SLC38A6: variants seen among roughly 807,000 people sequenced by gnomAD.
SLC38A6 encodes the protein N system amino acid transporter NAT-1.
In SLC38A6, 73 loss-of-function variants were observed where a neutral mutation model predicts 65.0. The observed-to-expected ratio is 1.12, with a 90% CI of 0.93 to 1.37. SLC38A6 has a LOEUF of 1.37. SLC38A6 is among the 40% of genes most tolerant of loss of function. The pLI is 0.00. For synonymous variants in SLC38A6, 183 were observed against 178.8 expected (o/e 1.02, Z -0.19); for missense variants, 561 against 531.1 (o/e 1.06, Z -0.55).
intron 3 of SLC38A6, among the ~76,000 whole-genome samples, chr14:60,994,163 C>G (rs1280319130): frequency 6.6e-6 from 1 of 152,176 alleles, no homozygotes; most frequent in Non-Finnish European, 1.5e-5. Flanking sequence ...TTATATTTAC[C>G]AAAATCTGGA....
At chr14:61,040,213 C>A (rs897912712) in intron 8 of SLC38A6, among the ~76,000 whole-genome samples, 1 of 151,920 alleles carries the variant, frequency 6.6e-6, no homozygotes, top group African/African-American at 2.4e-5. Context: ...CTCCAGTCAC[C>A]CAGACTGGAG....
intron 8 of SLC38A6, among the ~76,000 whole-genome samples, chr14:61,040,406 C>A (rs1391158450): frequency 1.3e-5 from 2 of 149,734 alleles, no homozygotes; most frequent in Non-Finnish European, 3.0e-5. Context: ...GTGGCGCCAT[C>A]TCGGCTCACT....
intron 9 of SLC38A6, 84 bp from the exon 10 acceptor site, chr14:61,043,366 A>G: frequency 8.3e-7 from 1 of 1,200,682 alleles, no homozygotes; most frequent in Non-Finnish European, 1.2e-6. Flanking sequence ...AAGCCTAGTA[A>G]TAATAAATTC....
At chr14:61,020,330 T>G (rs7148163) in intron 5 of SLC38A6, among the ~76,000 whole-genome samples, 141,777 of 152,166 alleles carry the variant, frequency 0.93, 66,434 homozygotes, top group Non-Finnish European at 0.99. Flanking sequence ...CACAGAAAAG[T>G]TTGACATGTA....
chr14:61,046,060 C>T lies in SLC38A6; in HGVS notation c.825-7C>T. On this transcript the variant is annotated splice_region_variant and splice_polypyrimidine_tract_variant and intron_variant, in intron 11 of 15. Transcript: ENST00000267488. The stretch of plus-strand genomic sequence containing the variant: ...CTTATTCTACCTTTGTCATTTTTGT[C>T]TTTTAGTCCTTCAAAGAAAAGAATG... 6.4e-7 allele frequency: 1 copy of T among 1,570,974 alleles called. No individual in the cohort carries two copies. The highest frequency in any genetic ancestry group is 1.1e-5 in the South Asian group (1 of 87,930).
chr14:61,011,810 C>G (rs907571942), intron 3 of SLC38A6, among the ~76,000 whole-genome samples: 3 of 152,074 alleles, frequency 2.0e-5, no homozygotes, highest in African/African-American at 7.2e-5. Flanking sequence ...ATTTTTGCAT[C>G]GATGTTCATC....
chr14:61,030,384 T>A, intron 5 of SLC38A6, 61 bp from the exon 6 acceptor site: 1 of 1,284,018 alleles, frequency 7.8e-7, no homozygotes, highest in Non-Finnish European at 1.1e-6. Context: ...CTAGATGGAT[T>A]ATTGTTTAAA....
chr14:61,026,631 A>G (rs1037175773), intron 5 of SLC38A6, among the ~76,000 whole-genome samples: 10 of 151,970 alleles, frequency 6.6e-5, no homozygotes, highest in Middle Eastern at 6.8e-3. Flanking sequence ...CTTCTGGTAG[A>G]CTTTCCTTAT....
chr14:61,053,610 G>A (rs546187562), downstream of SLC38A6, among the ~76,000 whole-genome samples: 7 of 152,192 alleles, frequency 4.6e-5, 1 homozygote, highest in South Asian at 1.0e-3. Flanking sequence ...TCTCCTTGTG[G>A]TTTTGATTTG....
intron 3 of SLC38A6, among the ~76,000 whole-genome samples, chr14:60,991,937 G>A (rs1269689046): frequency 6.6e-6 from 1 of 152,102 alleles, no homozygotes; most frequent in Non-Finnish European, 1.5e-5. Flanking sequence ...CCATTTTCTT[G>A]TTGCCAGAAC....
At chr14:61,078,758 T>G in intron 15 of SLC38A6, 1 of 176,820 alleles carries the variant, frequency 5.7e-6, no homozygotes, top group Non-Finnish European at 1.1e-5. Context: ...TTTAATTTAT[T>G]TATTTTTATT....
chr14:61,001,530 TGTGTGCAC>T (rs1241567584), intron 3 of SLC38A6, among the ~76,000 whole-genome samples: 1 of 152,272 alleles, frequency 6.6e-6, no homozygotes, highest in African/African-American at 2.4e-5. Context: ...TATGTGTGCA[TGTGTGCAC>T]ACACTTATGC....
At chr14:61,074,914 A>G (rs1195453353) in intron 15 of SLC38A6, among the ~76,000 whole-genome samples, 1 of 152,026 alleles carries the variant, frequency 6.6e-6, no homozygotes, top group Non-Finnish European at 1.5e-5. Flanking sequence ...ATTCTTATAC[A>G]GTGGCACAGC....
chr14:61,017,146 A>G lies in SLC38A6; in HGVS notation c.363+1190A>G, dbSNP rs886356156. 2.6e-5 allele frequency among the ~76,000 whole-genome samples: 4 copies of G among 152,102 alleles called. No individual in the cohort carries two copies. In the South Asian group the frequency reaches 8.3e-4, roughly 32 times the overall value. ...AACCTCCGCCTCCCTGGTTCAAGCG[A>G]TTCTCCTGCCTCAGCCTCCTAAGTA... On this transcript the variant is annotated intron_variant, in intron 4 of 15. Coordinates refer to ENST00000267488, the MANE Select transcript of SLC38A6 (RefSeq NM_153811.3).
intron 3 of SLC38A6, among the ~76,000 whole-genome samples, chr14:61,013,350 T>C (rs1420719839): frequency 1.3e-5 from 2 of 152,234 alleles, no homozygotes; most frequent in Non-Finnish European, 2.9e-5. Context: ...TTTGCCAGTC[T>C]GTGTCTTTTA....
In SLC38A6 at chr14:61,045,729, C is replaced by CA. The variant is rs931392500; in HGVS notation, c.824+312dup. On this transcript the variant is annotated intron_variant, in intron 11 of 15. Transcript: ENST00000267488. Reference sequence around the variant, plus strand: ...TGAAACCCCGTCTCTACTAAAAATACAAAAAAAATAGCCGGACGTGGTGGC... The same window carrying CA: ...TGAAACCCCGTCTCTACTAAAAATACAAAAAAAAATAGCCGGACGTGGTGGC... 4.6e-5 allele frequency among the ~76,000 whole-genome samples: 7 copies of CA among 151,440 alleles called. No individual in the cohort carries two copies. In the East Asian group the frequency reaches 5.8e-4, roughly 13 times the overall value.
chr14:61,071,700 A>G (rs368857504), intron 15 of SLC38A6, among the ~76,000 whole-genome samples: 1 of 151,988 alleles, frequency 6.6e-6, no homozygotes, highest in Non-Finnish European at 1.5e-5. Flanking sequence ...AAAAAAGGAA[A>G]AAAGAAGATA....
At chr14:61,002,694 A>G (rs2038795242) in intron 3 of SLC38A6, among the ~76,000 whole-genome samples, 1 of 152,184 alleles carries the variant, frequency 6.6e-6, no homozygotes. Flanking sequence ...CCTTGATGGT[A>G]CATTAAGGAA....
At chr14:61,029,231 C>T (rs2139650566) in intron 5 of SLC38A6, among the ~76,000 whole-genome samples, 1 of 150,448 alleles carries the variant, frequency 6.6e-6, no homozygotes, top group East Asian at 2.0e-4. Flanking sequence ...TCTCGGCTCA[C>T]TGCAACCTCC....
Sources: allele counts gnomAD v4.1 joint callset (sites outside exome capture counted in the v4.1 genomes callset), GRCh38; gene constraint gnomAD v4.1.1; transcripts MANE v1.5; gene names NCBI Gene and HGNC (gene_info 2026-07-23, HGNC 2026-07-21).